Variants in CABCOCO1 observed in about 807,000 individuals in gnomAD.
CABCOCO1 encodes the protein ciliary-associated calcium-binding coiled-coil protein 1.
CABCOCO1 carries 28 observed loss-of-function variants against 35.7 expected under a neutral mutation model. The ratio of observed to expected loss-of-function variants is 0.78; its 90% CI spans 0.58 to 1.07. CABCOCO1 has a LOEUF of 1.07. Among genes scored for constraint, CABCOCO1 ranks in the 50% least tolerant of loss-of-function variants. CABCOCO1 has a pLI of 0.00. For missense variants in CABCOCO1, 326 were observed against 309.2 expected (o/e 1.05, Z -0.41); for synonymous variants, 95 against 100.1 (o/e 0.95, Z 0.30).
At chr10:61,663,140 A>G in intron 1 of CABCOCO1, 108 bp downstream of exon 1, 1 of 209,668 alleles carries the variant, frequency 4.8e-6, no homozygotes, top group Non-Finnish European at 1.1e-5. Context: ...GTCTCCGAAG[A>G]GGCGCCGCAC....
chr10:61,715,483 C>T (rs1840840734), intron 5 of CABCOCO1, among the ~76,000 whole-genome samples: 2 of 152,096 alleles, frequency 1.3e-5, no homozygotes. Flanking sequence ...CAGTCTGTGT[C>T]CTTTAATTGG....
At chr10:61,749,470 TAA>T (rs1028202232) in intron 5 of CABCOCO1, among the ~76,000 whole-genome samples, 1 of 152,242 alleles carries the variant, frequency 6.6e-6, no homozygotes, top group African/African-American at 2.4e-5. Flanking sequence ...TTGCCATCTT[TAA>T]AAACTATTCA....
chr10:61,668,412 G>T (rs1253923484), intron 1 of CABCOCO1, among the ~76,000 whole-genome samples: 1 of 151,886 alleles, frequency 6.6e-6, no homozygotes, highest in Non-Finnish European at 1.5e-5. Context: ...GAATTTATTT[G>T]TTATATGATT....
intron 1 of CABCOCO1, among the ~76,000 whole-genome samples, chr10:61,665,715 G>T (rs1215917571): frequency 6.6e-6 from 1 of 151,622 alleles, no homozygotes; most frequent in Non-Finnish European, 1.5e-5. Flanking sequence ...GTGAAACCCC[G>T]TCTTTACTAA....
At position 61,681,215 on chromosome 10, in the gene CABCOCO1, T is replaced by C; in HGVS notation, c.237T>C (p.Tyr79=). 6.5e-7 allele frequency: 1 copy of C among 1,549,558 alleles called. No individual in the cohort carries two copies. Among genetic ancestry groups the C allele is most frequent in the African/African-American group, 1.4e-5 (1 of 71,902 alleles). The change falls in exon 3 of 8, where the codon TAT becomes TAC. Residue 79 remains tyrosine, a synonymous_variant. Transcript: ENST00000648843. The part of the protein sequence containing the change: ...CLKDAILLDY[Y]VSGFLWARGM... ...AGGATGCCATTCTACTAGATTATTA[T>C]GTATCTGGATTTTTGTGGGCTAGAG...
At chr10:61,673,329 A>G (rs1270452475) in intron 2 of CABCOCO1, among the ~76,000 whole-genome samples, 1 of 152,218 alleles carries the variant, frequency 6.6e-6, no homozygotes, top group East Asian at 1.9e-4. Context: ...AATTTTTGTC[A>G]GATACATCCA....
intron 1 of CABCOCO1, among the ~76,000 whole-genome samples, chr10:61,671,257 C>T (rs535156520): frequency 4.0e-5 from 6 of 151,072 alleles, no homozygotes; most frequent in African/African-American, 7.3e-5. Context: ...ACCTGGGAGG[C>T]GGAGCTTGCA....
chr10:61,720,064 G>A lies in CABCOCO1; in HGVS notation c.552+29443G>A, dbSNP rs76556292. Among the ~76,000 whole-genome samples, 146 of 152,092 alleles carry A rather than the reference G, an allele frequency of 9.6e-4. 2 individuals carry two copies. The highest frequency in any genetic ancestry group is 3.3e-3 in the African/African-American group (137 of 41,500). On this transcript the variant is annotated intron_variant, in intron 5 of 7. Coordinates refer to ENST00000648843, the MANE Select transcript of CABCOCO1 (RefSeq NM_001366906.2). ...CCGTCTCTGAAGGAAACAGTAGAAC[G>A]AATGGAATAAAAAATCATTCAAAGA... is the stretch of plus-strand genomic sequence containing the variant.
chr10:61,689,850 A>G (rs1840080995), intron 4 of CABCOCO1, among the ~76,000 whole-genome samples: 1 of 152,152 alleles, frequency 6.6e-6, no homozygotes, highest in South Asian at 2.1e-4. Flanking sequence ...TTAATAATGC[A>G]TTGCTCCTTA....
intron 5 of CABCOCO1, among the ~76,000 whole-genome samples, chr10:61,756,385 T>C (rs1415753867): frequency 6.6e-6 from 1 of 152,088 alleles, no homozygotes; most frequent in Non-Finnish European, 1.5e-5. Flanking sequence ...ATGTTATTTA[T>C]TGTATGTTCA....
Position 61,738,020 on chromosome 10 carries a change from G to A in CABCOCO1, c.553-22039G>A, listed in dbSNP as rs1325312395. Among the ~76,000 whole-genome samples the A allele has an allele frequency of 2.7e-5, 4 of 149,044 alleles. No homozygotes were observed. In the East Asian group the frequency reaches 5.9e-4, roughly 22 times the overall value. On this transcript the variant is annotated intron_variant, in intron 5 of 7. Transcript: ENST00000648843. Reference sequence around the variant, plus strand: ...AATATCTTCACTTACCAATTAAAGCGTATACAAAAAAACAATAAATAAAAT... The same window carrying A: ...AATATCTTCACTTACCAATTAAAGCATATACAAAAAAACAATAAATAAAAT...
At chr10:61,671,748 C>T (rs1231719889) in intron 1 of CABCOCO1, among the ~76,000 whole-genome samples, 1 of 152,082 alleles carries the variant, frequency 6.6e-6, no homozygotes, top group Non-Finnish European at 1.5e-5. Context: ...CCTGTCTTTC[C>T]TTCACCCTCC....
At chr10:61,685,200 A>G (rs1839919624) in intron 3 of CABCOCO1, 1 of 152,228 alleles carries the variant, frequency 6.6e-6, no homozygotes, top group Non-Finnish European at 1.5e-5. Flanking sequence ...ATAAAAATCC[A>G]TATTTCTGAC....
At chr10:61,699,441 C>A (rs1426315447) in intron 5 of CABCOCO1, among the ~76,000 whole-genome samples, 1 of 152,094 alleles carries the variant, frequency 6.6e-6, no homozygotes, top group Non-Finnish European at 1.5e-5. Context: ...CCAAGTCTTC[C>A]CATCTGTTGG....
intron 5 of CABCOCO1, among the ~76,000 whole-genome samples, chr10:61,695,879 G>A (rs190382614): frequency 2.1e-3 from 316 of 151,982 alleles, no homozygotes; most frequent in Non-Finnish European, 3.7e-3. Context: ...GGGATTTTTA[G>A]ATCAAAAAAA....
intron 5 of CABCOCO1, among the ~76,000 whole-genome samples, chr10:61,743,399 C>A (rs1292377305): frequency 2.0e-5 from 3 of 152,130 alleles, no homozygotes; most frequent in African/African-American, 7.2e-5. Context: ...ATTTACATTT[C>A]AATATTTAAA....
intron 5 of CABCOCO1, among the ~76,000 whole-genome samples, chr10:61,724,049 C>A (rs775159362): frequency 1.3e-5 from 2 of 151,904 alleles, no homozygotes; most frequent in Non-Finnish European, 2.9e-5. Flanking sequence ...GAAAATATAG[C>A]AGAATAAAAA....
chr10:61,764,651 G>A (rs1842071573), intron 7 of CABCOCO1, among the ~76,000 whole-genome samples: 1 of 151,950 alleles, frequency 6.6e-6, no homozygotes, highest in South Asian at 2.1e-4. Context: ...GCATCCTAAA[G>A]GAAGAGTTCC....
chr10:61,691,174 C>T (rs1840128797), intron 5 of CABCOCO1, among the ~76,000 whole-genome samples: 1 of 152,094 alleles, frequency 6.6e-6, no homozygotes. Flanking sequence ...GCTACTGTTG[C>T]ACCAATAAGC....
Sources: gnomAD v4.1 joint callset for allele counts (sites outside exome capture counted in the v4.1 genomes callset) on GRCh38, gnomAD v4.1.1 for gene constraint, MANE v1.5 for transcripts, NCBI Gene and HGNC (gene_info 2026-07-23, HGNC 2026-07-21) for gene names.